FLT1: variants seen among roughly 807,000 people sequenced by gnomAD.
FLT1 encodes vascular endothelial growth factor receptor 1.
Under a neutral mutation model 156.3 loss-of-function variants are expected in FLT1, and 49 were observed. That is an observed-to-expected ratio of 0.31 (90% CI 0.25 to 0.40). FLT1 has a LOEUF of 0.40. Ranked by LOEUF, FLT1 falls within the 10% of genes least tolerant of loss-of-function variation. FLT1 has a pLI of 1.00. For synonymous variants in FLT1, 594 were observed against 583.8 expected, an observed-to-expected ratio of 1.02 and a Z score of -0.25; for missense variants, 1,322 against 1,637.2, an observed-to-expected ratio of 0.81 and a Z score of 3.32.
At chr13:28,419,808 G>C (rs529122565) in intron 10 of FLT1, among the ~76,000 whole-genome samples, 1 of 152,336 alleles carries the variant, frequency 6.6e-6, no homozygotes, top group South Asian at 2.1e-4. Context: ...GAACCCAGGA[G>C]GCGGAGGTTG....
At chr13:28,412,338 C>CTT (rs1451332375) in intron 10 of FLT1, among the ~76,000 whole-genome samples, 1,580 of 77,530 alleles carry the variant, frequency 0.02, 50 homozygotes, top group Admixed American at 0.067. Flanking sequence ...TCTTTTCTTT[C>CTT]TTTCTTTCTT....
At position 28,322,787 on chromosome 13, in the gene FLT1, T is replaced by C; in HGVS notation, c.2953+3A>G. ...CGTAGGACAGGAAGGAATTAATACC[T>C]ACCCTCCTCTTCCTCAACATCACTC... On this transcript the variant is annotated splice_donor_region_variant and intron_variant, in intron 21 of 29. Transcript: ENST00000282397. This position sits in a 1 kb window ranked among gnomAD's most constrained non-coding sequence, Gnocchi z 4.3. 6.2e-7 allele frequency: 1 copy of C among 1,613,402 alleles called. No individual in the cohort carries two copies. The highest frequency in any genetic ancestry group is 8.5e-7 in the Non-Finnish European group (1 of 1,179,670).
chr13:28,429,512 A>G (rs1395876117), intron 8 of FLT1, among the ~76,000 whole-genome samples: 1 of 152,206 alleles, frequency 6.6e-6, no homozygotes, highest in Admixed American at 6.5e-5. Context: ...TTGAATATGT[A>G]TCTTTCTAGC....
intron 23 of FLT1, among the ~76,000 whole-genome samples, chr13:28,320,652 G>C (rs1871412628): frequency 1.3e-5 from 2 of 151,956 alleles, no homozygotes; most frequent in African/African-American, 4.8e-5. Flanking sequence ...CAAAAGATTG[G>C]ACACCCCTGG....
Position 28,494,870 on chromosome 13 carries a change from C to G in FLT1, c.-27G>C. ...GTGAGCGCGACGCGGCCTGCTCGCC[C>G]GGTGCCCGCGCTCCCCGCGGCCAAC... is the stretch of plus-strand genomic sequence containing the variant. On this transcript the variant is annotated 5_prime_UTR_variant, in exon 1 of 30. Transcript: ENST00000282397. The G allele has an allele frequency of 1.3e-6, 2 of 1,516,942 alleles. No individual in the cohort carries two copies. Among genetic ancestry groups the G allele is most frequent in the Non-Finnish European group, 1.8e-6 (2 of 1,136,548 alleles). The allele number at this position is 1,516,942 out of a possible 1,614,324, so 94.0% of individuals were successfully genotyped here.
rs1301907665 is a variant in FLT1, at chr13:28,473,839, G to GAAGA, written c.65-6226_65-6223dup. Among the ~76,000 whole-genome samples, 25 of 83,652 alleles carry GAAGA rather than the reference G, an allele frequency of 3.0e-4. 1 individual carries two copies. Among genetic ancestry groups the GAAGA allele is most frequent in the African/African-American group, 8.6e-4 (16 of 18,654 alleles). The allele number at this position is 83,652 out of a possible 152,430, so 54.9% of individuals were successfully genotyped here. A position where few individuals can be genotyped will look rare whatever the true frequency, so the allele number is the denominator to read the frequency against. ...GAAAGAAAGAAAGAAAGAAAGAAAG[G>GAAGA]AAGAAAGAAAGAAAGAAAGAAAGAA... is the stretch of plus-strand genomic sequence containing the variant. On this transcript the variant is annotated intron_variant, in intron 1 of 29. Coordinates refer to ENST00000282397, the MANE Select transcript of FLT1 (RefSeq NM_002019.4).
At chr13:28,368,577 G>A (rs1873401245) in intron 14 of FLT1, 2 of 1,503,298 alleles carry the variant, frequency 1.3e-6, no homozygotes, top group South Asian at 1.2e-5. Context: ...AATGATGATA[G>A]CTATGATGAT....
At chr13:28,431,626 A>G (rs1361380722) in intron 6 of FLT1, among the ~76,000 whole-genome samples, 1 of 152,182 alleles carries the variant, frequency 6.6e-6, no homozygotes, top group African/African-American at 2.4e-5. Flanking sequence ...GAAAAAACTG[A>G]AGGAAGTGAT....
At chr13:28,319,023 C>T (rs1254855785) in intron 24 of FLT1, among the ~76,000 whole-genome samples, 1 of 152,086 alleles carries the variant, frequency 6.6e-6, no homozygotes, top group Non-Finnish European at 1.5e-5. Flanking sequence ...CTTGTTATGG[C>T]CTTTCCTAGG....
chr13:28,337,487 T>G (rs1388926100), intron 17 of FLT1, among the ~76,000 whole-genome samples: 1 of 152,236 alleles, frequency 6.6e-6, no homozygotes, highest in African/African-American at 2.4e-5. Context: ...TGGGCCTCCT[T>G]GCTCCCACGT....
intron 14 of FLT1, among the ~76,000 whole-genome samples, chr13:28,372,653 G>A (rs1369017475): frequency 1.4e-5 from 2 of 142,482 alleles, no homozygotes; most frequent in African/African-American, 2.5e-5. Flanking sequence ...GGAGGCCAAG[G>A]TGGGCAGATC....
rs1284730412 is a variant in FLT1, at chr13:28,301,423, C to T, written c.*1744G>A. Reference sequence around the variant, plus strand: ...TTCCACAAAAGCCGCTGCCAGGAGCCAGTAGGCTCACTAGGGAATGTGCTG... The same window carrying T: ...TTCCACAAAAGCCGCTGCCAGGAGCTAGTAGGCTCACTAGGGAATGTGCTG... On this transcript the variant is annotated 3_prime_UTR_variant, in exon 30 of 30. Transcript: ENST00000282397. 1 of 233,138 alleles carries T rather than the reference C, an allele frequency of 4.3e-6. No homozygotes were observed. Among genetic ancestry groups the T allele is most frequent in the Non-Finnish European group, 8.5e-6 (1 of 117,980 alleles). 14.4% of individuals were successfully genotyped at this position (233,138 alleles called of 1,614,324 possible). A position where few individuals can be genotyped will look rare whatever the true frequency, so the allele number is the denominator to read the frequency against.
intron 1 of FLT1, among the ~76,000 whole-genome samples, chr13:28,481,842 C>T (rs865992376): frequency 2.6e-5 from 4 of 152,168 alleles, no homozygotes; most frequent in Non-Finnish European, 2.9e-5. Flanking sequence ...ACATTCTTCA[C>T]CAACATAAGT....
At chr13:28,330,650 A>G (rs1169864873) in intron 18 of FLT1, among the ~76,000 whole-genome samples, 1 of 149,330 alleles carries the variant, frequency 6.7e-6, no homozygotes, top group Non-Finnish European at 1.5e-5. Flanking sequence ...TCTATTTAAA[A>G]AATCTATTTC....
At chr13:28,490,728 A>G (rs1881426918) in intron 1 of FLT1, among the ~76,000 whole-genome samples, 1 of 152,180 alleles carries the variant, frequency 6.6e-6, no homozygotes, top group Non-Finnish European at 1.5e-5. Context: ...GATGGTCTAT[A>G]CTTTTAACTA....
At position 28,495,039 on chromosome 13, in the gene FLT1, C is replaced by T. The variant is rs546783498; in HGVS notation, c.-196G>A. 566 of 484,378 alleles carry T rather than the reference C, an allele frequency of 1.2e-3. 2 individuals carry two copies. Among genetic ancestry groups the T allele is most frequent in the African/African-American group, 0.01 (494 of 48,928 alleles). 30.0% of individuals were successfully genotyped at this position (484,378 alleles called of 1,614,324 possible). ...GCCCGCTGGCCGCTGCACCCGAGCCCCGGAGCCCGCTCCGAGCCGCCGCCG... is the reference window on the plus strand; with the variant it reads ...GCCCGCTGGCCGCTGCACCCGAGCCTCGGAGCCCGCTCCGAGCCGCCGCCG... On this transcript the variant is annotated 5_prime_UTR_variant, in exon 1 of 30. Transcript: ENST00000282397. The surrounding 1 kb of genome is among the most constrained non-coding windows in gnomAD (Gnocchi z 4.1).
Position 28,469,109 on chromosome 13 carries a change from G to C in FLT1, c.65-1492C>G, listed in dbSNP as rs114990539. Reference sequence around the variant, plus strand: ...CCAGGCAGCTGCAATGCCTCCGAAAGGCAGGGAATGAGGGGCCCAGGATTA... The same window carrying C: ...CCAGGCAGCTGCAATGCCTCCGAAACGCAGGGAATGAGGGGCCCAGGATTA... On this transcript the variant is annotated intron_variant, in intron 1 of 29. Transcript: ENST00000282397. Among the ~76,000 whole-genome samples, 1,410 of 152,306 alleles carry C rather than the reference G, an allele frequency of 9.3e-3. 20 individuals are homozygous for C. The highest frequency in any genetic ancestry group is 0.032 in the African/African-American group (1,330 of 41,564).
chr13:28,329,875 A>G (rs1250428021), intron 18 of FLT1, 147 bp from the exon 19 acceptor site: 1 of 722,520 alleles, frequency 1.4e-6, no homozygotes, highest in Non-Finnish European at 2.5e-6. Flanking sequence ...AAGTCTCCAG[A>G]CTGTTTTCAT....
Sources: gnomAD v4.1 joint callset for allele counts (sites outside exome capture counted in the v4.1 genomes callset) on GRCh38, gnomAD v4.1.1 for gene constraint, Gnocchi (gnomAD v3.1) non-coding constraint, MANE v1.5 for transcripts, NCBI Gene and HGNC (gene_info 2026-07-23, HGNC 2026-07-21) for gene names.